Variants in GGACT observed in about 807,000 individuals in gnomAD.
The protein encoded by GGACT is gamma-glutamylaminecyclotransferase.
For synonymous variants in GGACT, 118 were observed against 115.3 expected, an observed-to-expected ratio of 1.02 and a Z score of -0.15; for missense variants, 241 against 233.2, an observed-to-expected ratio of 1.03 and a Z score of -0.22.
intron 2 of GGACT, among the ~76,000 whole-genome samples, chr13:100,544,039 G>T (rs837307): frequency 2.6e-5 from 4 of 152,172 alleles, no homozygotes; most frequent in Non-Finnish European, 5.9e-5. Context: ...CTGAGCAAAC[G>T]CAGCCATTCT....
intron 2 of GGACT, among the ~76,000 whole-genome samples, chr13:100,557,400 C>T (rs546009526): frequency 2.6e-5 from 4 of 152,072 alleles, no homozygotes; most frequent in Admixed American, 2.6e-4. Flanking sequence ...GTGTGAATTA[C>T]TTCAATTAAA....
chr13:100,558,416 CTATCAT>C (rs1469298531), intron 2 of GGACT, among the ~76,000 whole-genome samples: 1 of 152,172 alleles, frequency 6.6e-6, no homozygotes, highest in Non-Finnish European at 1.5e-5. Context: ...TGGATGCTCA[CTATCAT>C]TAGTTATTAG....
Position 100,534,161 on chromosome 13 carries a change from G to A in GGACT, c.-10-1560C>T, listed in dbSNP as rs1335926788. Reference sequence around the variant, plus strand: ...GGGTTCTAGGCCTCATTTTGCTCAAGAGGCACGTCTGCTGCCTCTTGGTTC... The same window carrying A: ...GGGTTCTAGGCCTCATTTTGCTCAAAAGGCACGTCTGCTGCCTCTTGGTTC... On this transcript the variant is annotated intron_variant, in intron 2 of 2. Coordinates refer to ENST00000683975, the MANE Select transcript of GGACT (RefSeq NM_001195087.2). The surrounding 1 kb of genome is among the most constrained non-coding windows in gnomAD (Gnocchi z 4.9). Among the ~76,000 whole-genome samples, 2 of 152,174 alleles carry A rather than the reference G, an allele frequency of 1.3e-5. No homozygotes were observed. The highest frequency in any genetic ancestry group is 2.9e-5 in the Non-Finnish European group (2 of 68,024).
In GGACT at chr13:100,568,983, G is replaced by C. The variant is rs1311920138; in HGVS notation, c.-11+14842C>G. On this transcript the variant is annotated intron_variant, in intron 2 of 2. Coordinates refer to ENST00000683975, the MANE Select transcript of GGACT (RefSeq NM_001195087.2). Reference sequence around the variant, plus strand: ...CTTTGACTCCATGTTTCACATCCAGGGCATGCTGATGCAAGAGGTGGGCTC... The same window carrying C: ...CTTTGACTCCATGTTTCACATCCAGCGCATGCTGATGCAAGAGGTGGGCTC... Among the ~76,000 whole-genome samples, 4 of 152,214 alleles carry C rather than the reference G, an allele frequency of 2.6e-5. 1 individual carries two copies. Among genetic ancestry groups the C allele is most frequent in the African/African-American group, 9.6e-5 (4 of 41,452 alleles).
At chr13:100,535,446 AG>A (rs1464881198) in intron 2 of GGACT, among the ~76,000 whole-genome samples, 5 of 152,372 alleles carry the variant, frequency 3.3e-5, no homozygotes, top group Admixed American at 2.6e-4. Context: ...GACTTTAGGC[AG>A]ATCATATAAC....
chr13:100,569,652 A>G (rs1875020348), intron 2 of GGACT, among the ~76,000 whole-genome samples: 1 of 152,202 alleles, frequency 6.6e-6, no homozygotes, highest in Non-Finnish European at 1.5e-5. Context: ...GGTGATTAAC[A>G]TTTGGCTCTT....
intron 2 of GGACT, among the ~76,000 whole-genome samples, chr13:100,562,704 G>C (rs1164474653): frequency 1.3e-5 from 2 of 151,618 alleles, no homozygotes. Flanking sequence ...GCTGAGGCAC[G>C]AGAATCACTT....
intron 2 of GGACT, among the ~76,000 whole-genome samples, chr13:100,560,774 G>C (rs1278682829): frequency 1.3e-5 from 2 of 152,188 alleles, no homozygotes; most frequent in Non-Finnish European, 2.9e-5. Context: ...CTGACTCTTG[G>C]CCAAGGTTTT....
chr13:100,585,398 A>G (rs1875536929), intron 1 of GGACT, among the ~76,000 whole-genome samples: 1 of 152,188 alleles, frequency 6.6e-6, no homozygotes. Flanking sequence ...TGTGGCAGAG[A>G]CCATAGGGCC....
rs563521447 is a variant in GGACT at position 100,545,431 on chromosome 13, G to A, written c.-10-12830C>T. Among the ~76,000 whole-genome samples the A allele has an allele frequency of 4.7e-4, 72 of 152,258 alleles. No individual in the cohort carries two copies. The highest frequency in any genetic ancestry group is 1.6e-3 in the African/African-American group (66 of 41,568). The stretch of plus-strand genomic sequence containing the variant: ...CTGACCTCCACGTCCCAGGGCCCCT[G>A]GAGGAGGGCACCCCCTCACTGCCCC... On this transcript the variant is annotated intron_variant, in intron 2 of 2. Coordinates refer to ENST00000683975, the MANE Select transcript of GGACT (RefSeq NM_001195087.2). This position sits in a 1 kb window ranked among gnomAD's most constrained non-coding sequence, Gnocchi z 4.4.
chr13:100,572,943 G>A (rs1875130529), intron 2 of GGACT, among the ~76,000 whole-genome samples: 1 of 152,134 alleles, frequency 6.6e-6, no homozygotes, highest in Non-Finnish European at 1.5e-5. Flanking sequence ...AATAGAACTT[G>A]ACATCTTTTG....
At chr13:100,540,293 G>C in intron 2 of GGACT, 1 of 967,542 alleles carries the variant, frequency 1.0e-6, no homozygotes. Flanking sequence ...TCTTTTGGGG[G>C]AGATTTTTGA....
At chr13:100,564,372 C>T (rs2088792009) in intron 2 of GGACT, among the ~76,000 whole-genome samples, 1 of 152,134 alleles carries the variant, frequency 6.6e-6, no homozygotes, top group Non-Finnish European at 1.5e-5. Context: ...CTAAAAAAGA[C>T]TTACATTCAA....
At chr13:100,558,726 G>T (rs2153014964) in intron 2 of GGACT, among the ~76,000 whole-genome samples, 1 of 152,226 alleles carries the variant, frequency 6.6e-6, no homozygotes, top group East Asian at 1.9e-4. Context: ...AATGAAATAA[G>T]CCAGGCGTAG....
intron 2 of GGACT, among the ~76,000 whole-genome samples, chr13:100,581,270 G>A (rs1460908000): frequency 2.6e-5 from 4 of 152,210 alleles, no homozygotes; most frequent in Non-Finnish European, 5.9e-5. Context: ...GGGGACCAGG[G>A]TTCCCCAGAG....
intron 2 of GGACT, among the ~76,000 whole-genome samples, chr13:100,573,815 A>G (rs1365393862): frequency 6.6e-6 from 1 of 152,008 alleles, no homozygotes; most frequent in East Asian, 1.9e-4. Context: ...TTCACTAATC[A>G]GAGAAATGAA....
At chr13:100,556,859 C>T (rs1429460011) in intron 2 of GGACT, among the ~76,000 whole-genome samples, 1 of 152,108 alleles carries the variant, frequency 6.6e-6, no homozygotes, top group African/African-American at 2.4e-5. Flanking sequence ...CAAAACAACA[C>T]TGAAAAAGCT....
chr13:100,574,210 A>T (rs1875184083), intron 2 of GGACT, among the ~76,000 whole-genome samples: 1 of 152,250 alleles, frequency 6.6e-6, no homozygotes, highest in South Asian at 2.1e-4. Context: ...ATAAAACAGA[A>T]AGAAATCATG....
Position 100,564,084 on chromosome 13 carries a change from C to T in GGACT, c.-11+19741G>A, listed in dbSNP as rs576571710. 1.6e-4 allele frequency among the ~76,000 whole-genome samples: 24 copies of T among 152,322 alleles called. No homozygotes were observed. The South Asian group carries it at 5.0e-3, about 32-fold the overall frequency. ...TTGAGTTCCCAAAATGCATGTGAAG[C>T]TTCAACGCTGATGTTCTAGGTCCCT... On this transcript the variant is annotated intron_variant, in intron 2 of 2. Coordinates refer to ENST00000683975, the MANE Select transcript of GGACT (RefSeq NM_001195087.2).
Sources: gnomAD v4.1 joint callset for allele counts (sites outside exome capture counted in the v4.1 genomes callset) on GRCh38, gnomAD v4.1.1 for gene constraint, Gnocchi (gnomAD v3.1) non-coding constraint, MANE v1.5 for transcripts, NCBI Gene and HGNC (gene_info 2026-07-23, HGNC 2026-07-21) for gene names.